U2SURP: variants seen among roughly 807,000 people sequenced by gnomAD.
U2SURP encodes U2 snRNP associated SURP domain containing, also known as U2 snRNP-associated SURP motif-containing protein.
In U2SURP, 9 loss-of-function variants were observed where a neutral mutation model predicts 144.9. The observed-to-expected ratio is 0.06, with a 90% CI of 0.04 to 0.11. U2SURP has a LOEUF of 0.11. Among genes scored for constraint, U2SURP ranks in the 10% least tolerant of loss-of-function variants. U2SURP has a pLI of 1.00. For synonymous variants in U2SURP, 408 were observed against 396.8 expected, an observed-to-expected ratio of 1.03 and a Z score of -0.33; for missense variants, 724 against 1,226.7, an observed-to-expected ratio of 0.59 and a Z score of 6.12.
In U2SURP at chr3:143,020,676, A is replaced by G; in HGVS notation, c.716A>G (p.Asp239Gly). Reference sequence around the variant, plus strand: ...TTTGAACCTCCTCAGTCAGATTCTGATGGTCAGCGTCGTTCTAGTAAGTGG... The same window carrying G: ...TTTGAACCTCCTCAGTCAGATTCTGGTGGTCAGCGTCGTTCTAGTAAGTGG... ...SRFEPPQSDS[D>G]GQRRSMDAPS... Residue 239 changes from aspartate (D) to glycine (G), a missense_variant, in exon 8 of 28, where the codon GAT (aspartate) becomes GGT (glycine). Asp to Gly is a moderately conservative substitution (Grantham distance 94). Coordinates refer to ENST00000473835, the MANE Select transcript of U2SURP (RefSeq NM_001080415.2). The G allele has an allele frequency of 6.2e-7, 1 of 1,612,972 alleles. No individual in the cohort carries two copies. The highest frequency in any genetic ancestry group is 8.5e-7 in the Non-Finnish European group (1 of 1,179,388).
intron 19 of U2SURP, 140 bp from the exon 20 acceptor site, chr3:143,035,842 A>G: frequency 1.2e-6 from 1 of 806,836 alleles, no homozygotes; most frequent in Non-Finnish European, 1.8e-6. Flanking sequence ...TGGTAATGAT[A>G]TATAGTTATT....
Position 143,005,770 on chromosome 3 carries a change from C to T in U2SURP, c.45+4097C>T, listed in dbSNP as rs112932675. Among the ~76,000 whole-genome samples, 255 of 151,376 alleles carry T rather than the reference C, an allele frequency of 1.7e-3. 1 individual carries two copies. The highest frequency in any genetic ancestry group is 5.9e-3 in the African/African-American group (244 of 41,220). ...AAACCTAAGAAAGATACCCATTTGC[C>T]TTACTGGGTATCATTGAGAGAAGAG... On this transcript the variant is annotated intron_variant, in intron 1 of 27. Transcript: ENST00000473835.
intron 24 of U2SURP, among the ~76,000 whole-genome samples, chr3:143,046,097 C>CTGTA (rs897963510): frequency 7.2e-5 from 11 of 151,912 alleles, no homozygotes; most frequent in African/African-American, 2.7e-4. Context: ...AGTATATATA[C>CTGTA]TGTAATTTTG....
In U2SURP at chr3:143,057,445, A is replaced by G. The variant is rs184067845; in HGVS notation, c.*995A>G. 6.7e-6 allele frequency: 1 copy of G among 150,220 alleles called. No individual in the cohort carries two copies. Among genetic ancestry groups the G allele is most frequent in the East Asian group, 2.1e-4 (1 of 4,858 alleles). 9.3% of individuals were successfully genotyped at this position (150,220 alleles called of 1,614,324 possible). ...CTTGGGTTTAGTTATAGCTTTAAGT[A>G]AAATTTAAAAATAAAATGTTTTTCA... On this transcript the variant is annotated 3_prime_UTR_variant, in exon 28 of 28. Transcript: ENST00000473835.
Position 143,043,070 on chromosome 3 carries a change from ACT to A in U2SURP, c.2385-42_2385-41del, listed in dbSNP as rs767238376. The stretch of plus-strand genomic sequence containing the variant: ...AAATAGGTAGACTGTAAAATATGGT[ACT>A]CTCTTGCTGCCTTGACATACAATGT... On this transcript the variant is annotated intron_variant, in intron 23 of 27. Transcript: ENST00000473835. 1.2e-4 allele frequency: 185 copies of A among 1,510,394 alleles called. No individual in the cohort carries two copies. In the East Asian group the frequency reaches 3.8e-3, roughly 31 times the overall value. 93.6% of individuals were successfully genotyped at this position (1,510,394 alleles called of 1,614,324 possible). A position where few individuals can be genotyped will look rare whatever the true frequency, so the allele number is the denominator to read the frequency against.
intron 22 of U2SURP, 58 bp downstream of exon 22, chr3:143,038,261 T>G: frequency 7.9e-7 from 1 of 1,265,440 alleles, no homozygotes; most frequent in Non-Finnish European, 1.1e-6. Flanking sequence ...TAATTATTGG[T>G]GTGCTTGTAT....
At chr3:143,012,431 T>C in intron 3 of U2SURP, 78 bp downstream of exon 3, 1 of 1,360,824 alleles carries the variant, frequency 7.3e-7, no homozygotes, top group Non-Finnish European at 9.6e-7. Flanking sequence ...AATTTAGTGG[T>C]CGAATATTTG....
At chr3:143,022,360 C>A (rs1027760787) in intron 10 of U2SURP, 137 bp from the exon 11 acceptor site, 4 of 652,116 alleles carry the variant, frequency 6.1e-6, no homozygotes, top group Non-Finnish European at 9.5e-6. Flanking sequence ...ACTTGTGTGG[C>A]GTTCCTGGTA....
At chr3:143,028,152 G>T (rs1933265755) in intron 14 of U2SURP, among the ~76,000 whole-genome samples, 188 bp from the exon 15 acceptor site, 1 of 152,162 alleles carries the variant, frequency 6.6e-6, no homozygotes, top group Non-Finnish European at 1.5e-5. Flanking sequence ...CACTAAGGCA[G>T]TCTAGGGCTG....
intron 16 of U2SURP, among the ~76,000 whole-genome samples, chr3:143,031,608 T>C (rs1196293231): frequency 2.0e-5 from 3 of 152,244 alleles, no homozygotes; most frequent in Non-Finnish European, 4.4e-5. Context: ...TTTTTAGACA[T>C]ACTGCTATTG....
intron 1 of U2SURP, among the ~76,000 whole-genome samples, chr3:143,002,881 T>C (rs1191815206): frequency 6.6e-6 from 1 of 152,064 alleles, no homozygotes; most frequent in Non-Finnish European, 1.5e-5. Flanking sequence ...TTACAAGGTA[T>C]TGTGTCAGTT....
intron 1 of U2SURP, among the ~76,000 whole-genome samples, chr3:143,008,622 A>G (rs893713582): frequency 6.6e-6 from 1 of 152,136 alleles, no homozygotes; most frequent in African/African-American, 2.4e-5. Flanking sequence ...ATTTTTCTCG[A>G]AGTTTTTGTT....
In U2SURP at chr3:143,037,299, A is replaced by C. The variant is rs562026455; in HGVS notation, c.2185A>C (p.Ile729Leu). 9.3e-6 allele frequency: 15 copies of C among 1,612,504 alleles called. No homozygotes were observed. The South Asian group carries it at 1.7e-4, about 18-fold the overall frequency. Reference sequence around the variant, plus strand: ...CATCGATGATCTTGATGGAGTCCCTATAAAAAGTCTTGATGATGATCTTGA... The same window carrying C: ...CATCGATGATCTTGATGGAGTCCCTCTAAAAAGTCTTGATGATGATCTTGA... Reference protein sequence around the residue: ...TPIDDLDGVPIKSLDDDLDGV... With the variant: ...TPIDDLDGVPLKSLDDDLDGV... The change falls in exon 21 of 28, where the codon ATA becomes CTA. Residue 729 changes from isoleucine to leucine, a missense_variant. Physicochemically the swap from Ile to Leu is conservative, Grantham distance 5. Coordinates refer to ENST00000473835, the MANE Select transcript of U2SURP (RefSeq NM_001080415.2).
intron 21 of U2SURP, 91 bp downstream of exon 21, chr3:143,037,426 A>G (rs1006846073): frequency 5.8e-6 from 7 of 1,209,974 alleles, no homozygotes; most frequent in Non-Finnish European, 8.1e-6. Flanking sequence ...GAAAAAGGTT[A>G]TAGTTTCTCA....
At chr3:143,037,121 C>G (rs896453972) in intron 20 of U2SURP, 58 bp from the exon 21 acceptor site, 1 of 1,529,830 alleles carries the variant, frequency 6.5e-7, no homozygotes, top group African/African-American at 1.4e-5. Context: ...ATTAATCTTA[C>G]AAGCAATGTG....
At chr3:143,008,733 AAT>A (rs1174745112) in intron 1 of U2SURP, among the ~76,000 whole-genome samples, 1 of 152,250 alleles carries the variant, frequency 6.6e-6, no homozygotes, top group African/African-American at 2.4e-5. Context: ...TTAGCAAGTT[AAT>A]ACTGGTGTAT....
intron 1 of U2SURP, chr3:143,002,079 TTTGGA>T (rs1240392264): frequency 1.5e-4 from 36 of 240,532 alleles, no homozygotes; most frequent in Non-Finnish European, 2.6e-4. Flanking sequence ...TTTTCTCGGT[TTTGGA>T]TCTCACTCAC....
At position 143,037,292 on chromosome 3, in the gene U2SURP, A is replaced by C. The variant is rs971366612; in HGVS notation, c.2178A>C (p.Gly726=). The change falls in exon 21 of 28, where the codon GGA becomes GGC. Residue 726 remains glycine (G), a synonymous_variant. Coordinates refer to ENST00000473835, the MANE Select transcript of U2SURP (RefSeq NM_001080415.2). The stretch of plus-strand genomic sequence containing the variant: ...CTACTCCCATCGATGATCTTGATGG[A>C]GTCCCTATAAAAAGTCTTGATGATG... ...IDATPIDDLD[G]VPIKSLDDDL... The C allele has an allele frequency of 1.9e-6, 3 of 1,612,416 alleles. No homozygotes were observed. In the African/African-American group the frequency reaches 4.0e-5, roughly 22 times the overall value.
At position 143,043,180 on chromosome 3, in the gene U2SURP, G is replaced by C. The variant is rs1219040528; in HGVS notation, c.2448G>C (p.Leu816Phe). ...TQSSKSEEHHLYSNPIKEEMT... is the reference protein window; with the variant it reads ...TQSSKSEEHHFYSNPIKEEMT... ...GTTCCAAATCTGAAGAACATCATTT[G>C]TACTCTAATCCAATCAAAGAAGAAA... Residue 816 changes from leucine to phenylalanine, a missense_variant, in exon 24 of 28, where the codon TTG becomes TTC. Leu to Phe is a conservative substitution (Grantham distance 22, BLOSUM62 0). Transcript: ENST00000473835. 15 of 1,603,952 alleles carry C rather than the reference G, an allele frequency of 9.4e-6. No homozygotes were observed. The highest frequency in any genetic ancestry group is 1.3e-5 in the Non-Finnish European group (15 of 1,174,798).
Sources: gnomAD v4.1 joint callset for allele counts (sites outside exome capture counted in the v4.1 genomes callset) on GRCh38, gnomAD v4.1.1 for gene constraint, MANE v1.5 for transcripts, NCBI Gene and HGNC (gene_info 2026-07-23, HGNC 2026-07-21) for gene names.